The following GRHL2 variants were observed in gnomAD, a reference collection of about 807,000 sequenced individuals.
The protein encoded by GRHL2 is grainyhead like transcription factor 2.
In GRHL2, 21 loss-of-function variants were observed where a neutral mutation model predicts 83.8. The observed-to-expected ratio is 0.25, with a 90% confidence interval of 0.18 to 0.36. GRHL2 has a LOEUF of 0.36. Ranked by LOEUF, GRHL2 falls within the 10% of genes least tolerant of loss-of-function variation. The pLI, the probability that GRHL2 is intolerant of heterozygous loss-of-function variation, is 1.00. For synonymous variants in GRHL2, 280 were observed against 278.9 expected, an observed-to-expected ratio of 1.00 and a Z score of -0.04; for missense variants, 623 against 781.8, an observed-to-expected ratio of 0.80 and a Z score of 2.42.
intron 9 of GRHL2, among the ~76,000 whole-genome samples, chr8:101,624,548 G>GAGAGTACACAGTAGAACAGTTC (rs1813041040): frequency 8.4e-6 from 1 of 118,928 alleles, no homozygotes; most frequent in African/African-American, 3.0e-5. Context: ...TACACAGTAG[G>GAGAGTACACAGTAGAACAGTTC]ACAGTACACA....
chr8:101,582,843 A>G (rs1812085297), intron 7 of GRHL2, among the ~76,000 whole-genome samples: 1 of 152,074 alleles, frequency 6.6e-6, no homozygotes, highest in Non-Finnish European at 1.5e-5. Context: ...GGAGATATTC[A>G]AGTGTGTGTG....
intron 1 of GRHL2, among the ~76,000 whole-genome samples, chr8:101,521,732 A>C (rs1296587342): frequency 6.6e-6 from 1 of 152,202 alleles, no homozygotes; most frequent in Non-Finnish European, 1.5e-5. Flanking sequence ...ATTTTTTATT[A>C]CATCTTTATA....
intron 4 of GRHL2, chr8:101,562,225 T>C: frequency 1.6e-6 from 1 of 606,080 alleles, no homozygotes; most frequent in Non-Finnish European, 3.1e-6. Context: ...GAATCAATAC[T>C]TTTATTCCAT....
At chr8:101,577,972 A>G (rs1167172264) in intron 7 of GRHL2, among the ~76,000 whole-genome samples, 1 of 152,174 alleles carries the variant, frequency 6.6e-6, no homozygotes, top group Non-Finnish European at 1.5e-5. Context: ...CCATTTCAAC[A>G]CATGCCTAGT....
intron 4 of GRHL2, among the ~76,000 whole-genome samples, chr8:101,567,950 C>T (rs142360621): frequency 4.5e-4 from 68 of 152,302 alleles, no homozygotes; most frequent in Non-Finnish European, 7.5e-4. Flanking sequence ...TTCAAGCAAA[C>T]ACTTTGGAAA....
chr8:101,566,505 C>T (rs993405497), intron 4 of GRHL2, among the ~76,000 whole-genome samples: 12 of 150,702 alleles, frequency 8.0e-5, no homozygotes, highest in African/African-American at 2.9e-4. Context: ...ATTTTACTCT[C>T]CAGCCCGGTC....
rs139441962 is a variant in GRHL2 at position 101,613,090 on chromosome 8, A to T, written c.1099-6449A>T. ...AGAGTTGACATTGGACTGAATCTGA[A>T]TGAGAAGGAGCTGGCAGTGTGGTGA... On this transcript the variant is annotated intron_variant, in intron 8 of 15. Transcript: ENST00000646743. Among the ~76,000 whole-genome samples, 820 of 150,760 alleles carry T rather than the reference A, an allele frequency of 5.4e-3. 67 individuals are homozygous for T. Among genetic ancestry groups the T allele is most frequent in the African/African-American group, 0.019 (755 of 40,240 alleles).
chr8:101,504,983 A>G (rs1158628453), intron 1 of GRHL2, among the ~76,000 whole-genome samples: 2 of 151,910 alleles, frequency 1.3e-5, no homozygotes, highest in African/African-American at 4.8e-5. Context: ...AGGAAAAAAA[A>G]AAAAAAAAGA....
chr8:101,600,938 C>T (rs1212392669), intron 8 of GRHL2, among the ~76,000 whole-genome samples: 1 of 152,038 alleles, frequency 6.6e-6, no homozygotes, highest in African/African-American at 2.4e-5. Flanking sequence ...TGGGAGGATC[C>T]TTGAGGCCAG....
chr8:101,590,562 T>C (rs1481064775), intron 7 of GRHL2, among the ~76,000 whole-genome samples: 1 of 152,140 alleles, frequency 6.6e-6, no homozygotes, highest in Non-Finnish European at 1.5e-5. Flanking sequence ...TGTCTCTATT[T>C]TGTAGATTAG....
chr8:101,502,326 C>CATT (rs2129974364), intron 1 of GRHL2, among the ~76,000 whole-genome samples: 2 of 152,284 alleles, frequency 1.3e-5, no homozygotes, highest in South Asian at 4.2e-4. Flanking sequence ...GGGCCATGAA[C>CATT]ATTAGCAAGA....
rs35693999 is a variant in GRHL2, at chr8:101,656,873, G to GACACACACAC, written c.1698+7398_1698+7407dup. Among the ~76,000 whole-genome samples the GACACACACAC allele has an allele frequency of 8.5e-3, 1,246 of 147,352 alleles. 18 individuals carry two copies. The highest frequency in any genetic ancestry group is 0.035 in the East Asian group (175 of 4,998). ...GTTAGTGTATTTTATGTGTCTAACA[G>GACACACACAC]ACACACACACACACACACACACACA... On this transcript the variant is annotated intron_variant, in intron 14 of 15. Coordinates refer to ENST00000646743, the MANE Select transcript of GRHL2 (RefSeq NM_024915.4).
At chr8:101,588,249 CA>C (rs1256136735) in intron 7 of GRHL2, among the ~76,000 whole-genome samples, 20 of 152,124 alleles carry the variant, frequency 1.3e-4, no homozygotes, top group Non-Finnish European at 1.2e-4. Context: ...GACTCAAGTC[CA>C]CTCACACATA....
At chr8:101,646,035 G>C (rs1813505258) in intron 13 of GRHL2, among the ~76,000 whole-genome samples, 1 of 151,904 alleles carries the variant, frequency 6.6e-6, no homozygotes, top group Middle Eastern at 3.2e-3. Flanking sequence ...CACCATGCCT[G>C]GCTAATTTTT....
chr8:101,542,719 C>G (rs1811180444), intron 1 of GRHL2: 1 of 456,262 alleles, frequency 2.2e-6, no homozygotes, highest in Non-Finnish European at 4.4e-6. Context: ...TTCTGGAGGC[C>G]CAGAAGTCCA....
At chr8:101,540,964 C>T (rs1005031850) in intron 1 of GRHL2, among the ~76,000 whole-genome samples, 1 of 152,062 alleles carries the variant, frequency 6.6e-6, no homozygotes, top group Non-Finnish European at 1.5e-5. Context: ...TATTATATCA[C>T]TCTGTTTGCC....
intron 8 of GRHL2, among the ~76,000 whole-genome samples, chr8:101,599,602 C>T (rs750712777): frequency 6.6e-6 from 1 of 152,214 alleles, no homozygotes; most frequent in Admixed American, 6.5e-5. Context: ...GGCTGCAGGT[C>T]CCTGAGCTCT....
chr8:101,656,829 T>A (rs577788159), intron 14 of GRHL2, among the ~76,000 whole-genome samples: 1 of 151,390 alleles, frequency 6.6e-6, no homozygotes, highest in Admixed American at 6.6e-5. Flanking sequence ...TGTGTGTTCA[T>A]GTGTCTGTCT....
chr8:101,493,591 A>G (rs1370543167), intron 1 of GRHL2, among the ~76,000 whole-genome samples: 3 of 151,866 alleles, frequency 2.0e-5, no homozygotes, highest in African/African-American at 7.3e-5. Context: ...TGAGCGATTC[A>G]CCCGCGCCCC....
Sources: allele counts gnomAD v4.1 joint callset (sites outside exome capture counted in the v4.1 genomes callset), GRCh38; gene constraint gnomAD v4.1.1; transcripts MANE v1.5; gene names NCBI Gene and HGNC (gene_info 2026-07-23, HGNC 2026-07-21).